ACTR3C: variants seen among roughly 807,000 people sequenced by gnomAD.
ACTR3C encodes actin-related protein 3C.
ACTR3C carries 18 observed loss-of-function variants against 26.3 expected under a neutral mutation model. That is an observed-to-expected ratio of 0.68 (90% CI 0.47 to 1.01). The LOEUF is 1.01. ACTR3C is among the 50% of genes least tolerant of loss of function. ACTR3C has a pLI of 0.00. For missense variants in ACTR3C, 184 were observed against 250.7 expected (o/e 0.73, Z 1.80); for synonymous variants, 55 against 94.5 (o/e 0.58, Z 2.42).
the ACTR3C span, among the ~76,000 whole-genome samples, chr7:150,220,321 G>A: frequency 1.4e-5 from 2 of 146,714 alleles, no homozygotes; most frequent in African/African-American, 2.7e-5. Flanking sequence ...AGGAAGTTGA[G>A]GGGCCCAGAT....
chr7:150,244,903 C>T (rs578016076), downstream of ACTR3C: 21 of 152,350 alleles, frequency 1.4e-4, no homozygotes, highest in African/African-American at 4.8e-4. Context: ...TCAGGAGAGA[C>T]ATTTGGAAAA....
At chr7:150,138,307 G>A in the ACTR3C span, among the ~76,000 whole-genome samples, 1 of 152,176 alleles carries the variant, frequency 6.6e-6, no homozygotes, top group East Asian at 1.9e-4. Flanking sequence ...TGCAGAGAAG[G>A]CAAGGAAGGC....
chr7:150,033,755 G>A, the ACTR3C span, among the ~76,000 whole-genome samples: 583 of 148,820 alleles, frequency 3.9e-3, 1 homozygote, highest in Middle Eastern at 7.0e-3. Context: ...CCACCCTCGT[G>A]GGGGGTGCTT....
chr7:150,173,547 G>A, the ACTR3C span, among the ~76,000 whole-genome samples: 2 of 149,172 alleles, frequency 1.3e-5, no homozygotes, highest in Non-Finnish European at 2.9e-5. Flanking sequence ...TGATGAGAGG[G>A]GCTACCATGA....
the ACTR3C span, among the ~76,000 whole-genome samples, chr7:150,039,811 C>G: frequency 4.7e-4 from 60 of 126,766 alleles, no homozygotes; most frequent in African/African-American, 7.4e-4. Flanking sequence ...CAGTCCCTGC[C>G]TCGCGGGGGG....
the ACTR3C span, among the ~76,000 whole-genome samples, chr7:150,104,158 A>G: frequency 9.3e-5 from 14 of 151,280 alleles, no homozygotes; most frequent in African/African-American, 3.4e-4. Flanking sequence ...AAGATTGCTT[A>G]TTCCAGATGA....
At chr7:150,264,509 C>G (rs1201451580) in intron 6 of ACTR3C, 3 of 770,534 alleles carry the variant, frequency 3.9e-6, no homozygotes, top group Admixed American at 6.3e-5. Context: ...ACAGGAGAGA[C>G]AGAAAAAGGG....
intron 1 of ACTR3C, among the ~76,000 whole-genome samples, chr7:150,311,047 G>A (rs1362496299): frequency 6.6e-6 from 1 of 152,006 alleles, no homozygotes; most frequent in East Asian, 1.9e-4. Flanking sequence ...TCCTTCTTAG[G>A]CATTGTTGGA....
chr7:150,322,131 G>C (rs1797584503), intron 1 of ACTR3C, among the ~76,000 whole-genome samples: 1 of 152,250 alleles, frequency 6.6e-6, no homozygotes, highest in Admixed American at 6.5e-5. Context: ...CAGAGCACCA[G>C]AGTGGATGCA....
chr7:150,174,928 T>C, the ACTR3C span, among the ~76,000 whole-genome samples: 6 of 144,346 alleles, frequency 4.2e-5, no homozygotes, highest in Admixed American at 1.3e-4. Flanking sequence ...CTCTCCCAAA[T>C]TGATCAGTAG....
chr7:150,105,836 G>A, the ACTR3C span, among the ~76,000 whole-genome samples: 3 of 152,002 alleles, frequency 2.0e-5, no homozygotes, highest in Non-Finnish European at 4.4e-5. Context: ...CCAGTTAAGT[G>A]AAACTTATCT....
intron 6 of ACTR3C, among the ~76,000 whole-genome samples, chr7:150,256,443 T>C (rs1833228175): frequency 6.6e-6 from 1 of 152,260 alleles, no homozygotes; most frequent in Admixed American, 6.5e-5. Flanking sequence ...TGTTGTTTTT[T>C]GACTTTCTTA....
chr7:150,054,859 A>G, the ACTR3C span, among the ~76,000 whole-genome samples: 1 of 152,252 alleles, frequency 6.6e-6, no homozygotes, highest in Non-Finnish European at 1.5e-5. Context: ...ATGATGAACT[A>G]CAGTGAACTT....
chr7:150,286,558 G>A lies in ACTR3C; in HGVS notation c.298-18C>T, dbSNP rs1222322887. The A allele has an allele frequency of 6.2e-7, 1 of 1,604,540 alleles. No homozygotes were observed. Among genetic ancestry groups the A allele is most frequent in the East Asian group, 2.2e-5 (1 of 44,802 alleles). ...TATTTCTCCTGCATACACACACAAA[G>A]ATGTTGCCAGGCATTAACAACTGCC... On this transcript the variant is annotated intron_variant, in intron 4 of 7. Transcript: ENST00000683684.
chr7:150,259,322 GAA>G (rs1279883214), intron 6 of ACTR3C, among the ~76,000 whole-genome samples: 2 of 150,594 alleles, frequency 1.3e-5, no homozygotes, highest in Non-Finnish European at 2.9e-5. Context: ...AGAGAGGAAA[GAA>G]AGGAAAGAAA....
At chr7:150,251,605 A>AGCC (rs1832859842) in intron 6 of ACTR3C, among the ~76,000 whole-genome samples, 1 of 152,140 alleles carries the variant, frequency 6.6e-6, no homozygotes, top group African/African-American at 2.4e-5. Flanking sequence ...AAGTTTTAAA[A>AGCC]TAATAAGGAA....
chr7:150,292,859 C>A (rs1466269448), intron 3 of ACTR3C, among the ~76,000 whole-genome samples: 2 of 152,270 alleles, frequency 1.3e-5, no homozygotes, highest in East Asian at 3.9e-4. Context: ...CCATTCACAT[C>A]TTTTCAGAGA....
At chr7:149,992,383 A>C in the ACTR3C span, among the ~76,000 whole-genome samples, 1 of 152,198 alleles carries the variant, frequency 6.6e-6, no homozygotes, top group Admixed American at 6.5e-5. Flanking sequence ...ACTTTGACAG[A>C]GTGTTGAAGG....
the ACTR3C span, among the ~76,000 whole-genome samples, chr7:150,093,950 C>T: frequency 6.6e-5 from 10 of 150,624 alleles, 1 homozygote; most frequent in African/African-American, 1.0e-4. Flanking sequence ...TAGCTTATTG[C>T]ATTTTCTTGG....
Sources: allele counts gnomAD v4.1 joint callset (sites outside exome capture counted in the v4.1 genomes callset), GRCh38; gene constraint gnomAD v4.1.1; transcripts MANE v1.5; gene names NCBI Gene and HGNC (gene_info 2026-07-23, HGNC 2026-07-21).